The following HELLS variants were observed in gnomAD, a reference collection of about 807,000 sequenced individuals.
HELLS encodes helicase, lymphoid specific, also known as lymphoid-specific helicase.
Under a neutral mutation model 120.0 loss-of-function variants are expected in HELLS, and 32 were observed. The observed-to-expected ratio is 0.27, with a 90% CI of 0.20 to 0.36. HELLS has a LOEUF of 0.36. HELLS is among the 10% of genes least tolerant of loss of function. The pLI is 1.00. For synonymous variants in HELLS, 341 were observed against 323.4 expected, an observed-to-expected ratio of 1.05 and a Z score of -0.58; for missense variants, 650 against 993.4, an observed-to-expected ratio of 0.65 and a Z score of 4.65.
chr10:94,571,735 C>T (rs527284366), intron 7 of HELLS, among the ~76,000 whole-genome samples: 5 of 152,124 alleles, frequency 3.3e-5, no homozygotes, highest in Admixed American at 6.6e-5. Context: ...GGATATAAAC[C>T]GTGAATCATC....
In HELLS at chr10:94,562,090, A is replaced by T. The variant is rs545649148; in HGVS notation, c.334-601A>T. The stretch of plus-strand genomic sequence containing the variant: ...GCCACCGCGCCCGGCCAAGATGTAC[A>T]TGGTATTTCTAAATAAAAATGCCAA... On this transcript the variant is annotated intron_variant, in intron 4 of 21. Coordinates refer to ENST00000348459, the MANE Select transcript of HELLS (RefSeq NM_018063.5). 3.4e-5 allele frequency among the ~76,000 whole-genome samples: 5 copies of T among 147,886 alleles called. No individual in the cohort carries two copies. In the South Asian group the frequency reaches 1.2e-3, roughly 35 times the overall value.
intron 1 of HELLS, 98 bp downstream of exon 1, chr10:94,546,050 C>G (rs997836068): frequency 7.3e-7 from 1 of 1,375,358 alleles, no homozygotes; most frequent in Non-Finnish European, 1.0e-6. Context: ...GGAGCCGACC[C>G]CGGGCAGGGA....
intron 19 of HELLS, among the ~76,000 whole-genome samples, chr10:94,596,270 G>A (rs899387071): frequency 1.3e-5 from 2 of 152,098 alleles, no homozygotes; most frequent in Non-Finnish European, 2.9e-5. Flanking sequence ...CCAGATTTAT[G>A]TACTCCTATG....
chr10:94,575,771 T>TG lies in HELLS; in HGVS notation c.889-891_889-890insG, dbSNP rs1844431844. Among the ~76,000 whole-genome samples, 882 of 122,822 alleles carry TG rather than the reference T, an allele frequency of 7.2e-3. 12 individuals are homozygous for TG. The highest frequency in any genetic ancestry group is 0.011 in the Non-Finnish European group (635 of 60,066). 80.6% of individuals were successfully genotyped at this position (122,822 alleles called of 152,430 possible). A position where few individuals can be genotyped will look rare whatever the true frequency, so the allele number is the denominator to read the frequency against. On this transcript the variant is annotated intron_variant, in intron 9 of 21. Transcript: ENST00000348459. ...TTTTTTGTTGGGGGGGGGGTTGTGT[T>TG]TGTGTGTGTGTGTGTGTGTGTGTGT...
chr10:94,582,672 C>T (rs1160013579), intron 11 of HELLS, among the ~76,000 whole-genome samples: 1 of 151,866 alleles, frequency 6.6e-6, no homozygotes, highest in Non-Finnish European at 1.5e-5. Context: ...TAAATATATA[C>T]CTTAATCTTA....
At chr10:94,571,828 G>C (rs932471996) in intron 7 of HELLS, among the ~76,000 whole-genome samples, 1 of 152,128 alleles carries the variant, frequency 6.6e-6, no homozygotes, top group Non-Finnish European at 1.5e-5. Context: ...GTTTGAGAAG[G>C]CTTGATTTCC....
intron 18 of HELLS, 83 bp from the exon 19 acceptor site, chr10:94,594,612 C>T (rs1262064908): frequency 9.8e-7 from 1 of 1,025,206 alleles, no homozygotes; most frequent in African/African-American, 1.6e-5. Flanking sequence ...CTGGCTAGAT[C>T]ATTCATGTTG....
chr10:94,548,959 A>C (rs1486951581), intron 2 of HELLS, among the ~76,000 whole-genome samples: 1 of 152,066 alleles, frequency 6.6e-6, no homozygotes, highest in Non-Finnish European at 1.5e-5. Context: ...GCATCACTGC[A>C]CTCCAGCCTG....
chr10:94,596,405 A>G (rs1845741787), intron 19 of HELLS, among the ~76,000 whole-genome samples: 1 of 152,088 alleles, frequency 6.6e-6, no homozygotes, highest in Non-Finnish European at 1.5e-5. Context: ...GATTTTTGTC[A>G]CACTGATGAG....
intron 9 of HELLS, among the ~76,000 whole-genome samples, chr10:94,575,439 A>G (rs1844389646): frequency 6.6e-6 from 1 of 151,178 alleles, no homozygotes; most frequent in African/African-American, 2.4e-5. Flanking sequence ...TGAGAAATAT[A>G]TATATTCTAG....
intron 6 of HELLS, among the ~76,000 whole-genome samples, chr10:94,565,859 A>G (rs544637942): frequency 1.3e-5 from 2 of 152,258 alleles, no homozygotes; most frequent in Middle Eastern, 6.8e-3. Flanking sequence ...CTTAGCCTGC[A>G]TACAGAGAGA....
intron 4 of HELLS, among the ~76,000 whole-genome samples, chr10:94,562,046 G>T (rs1003637380): frequency 3.3e-5 from 5 of 151,664 alleles, no homozygotes; most frequent in Admixed American, 6.6e-5. Context: ...CTCCCAAAGT[G>T]CTGGGATTAC....
chr10:94,557,987 A>G (rs1589708265), intron 3 of HELLS, 152 bp from the exon 4 acceptor site: 1 of 983,500 alleles, frequency 1.0e-6, no homozygotes, highest in Admixed American at 4.0e-5. Context: ...CCATTAGTCC[A>G]TAAAGGCTTG....
chr10:94,584,102 C>T, intron 12 of HELLS: 1 of 1,381,466 alleles, frequency 7.2e-7, no homozygotes, highest in Non-Finnish European at 9.5e-7. Flanking sequence ...TACTTATTTA[C>T]TCAAGCTTCA....
At chr10:94,555,051 G>A (rs1482522219) in intron 3 of HELLS, among the ~76,000 whole-genome samples, 1 of 152,184 alleles carries the variant, frequency 6.6e-6, no homozygotes, top group African/African-American at 2.4e-5. Context: ...GCTGAGGCAG[G>A]AGGTTGGCTT....
At chr10:94,589,780 G>A (rs543649036) in intron 13 of HELLS, among the ~76,000 whole-genome samples, 21 of 144,680 alleles carry the variant, frequency 1.5e-4, no homozygotes, top group African/African-American at 5.2e-4. Context: ...TCCGCCTCCC[G>A]GGTTCATGCC....
intron 10 of HELLS, among the ~76,000 whole-genome samples, chr10:94,579,563 A>G (rs1194987268): frequency 1.4e-5 from 2 of 148,108 alleles, no homozygotes; most frequent in Non-Finnish European, 3.0e-5. Context: ...TTGGTCCGAG[A>G]CAGGGTCTCA....
At chr10:94,553,342 G>C (rs1034903209) in intron 2 of HELLS, among the ~76,000 whole-genome samples, 1 of 151,798 alleles carries the variant, frequency 6.6e-6, no homozygotes, top group African/African-American at 2.4e-5. Context: ...TCCGCTTCCC[G>C]GGTTTAAGCA....
At chr10:94,587,407 A>C (rs1408169429) in intron 12 of HELLS, among the ~76,000 whole-genome samples, 1 of 152,114 alleles carries the variant, frequency 6.6e-6, no homozygotes, top group African/African-American at 2.4e-5. Context: ...TTGTGTTACA[A>C]ATGATCCAGT....
Sources: allele counts gnomAD v4.1 joint callset (sites outside exome capture counted in the v4.1 genomes callset), GRCh38; gene constraint gnomAD v4.1.1; transcripts MANE v1.5; gene names NCBI Gene and HGNC (gene_info 2026-07-23, HGNC 2026-07-21).